PKP4: variants seen among roughly 807,000 people sequenced by gnomAD.
PKP4 encodes the protein plakophilin-4.
Under a neutral mutation model 145.1 loss-of-function variants are expected in PKP4, and 90 were observed. That is an observed-to-expected ratio of 0.62 (90% CI 0.52 to 0.74). PKP4 has a LOEUF of 0.74. Among genes scored for constraint, PKP4 ranks in the 30% least tolerant of loss-of-function variants. PKP4 has a pLI of 0.00. For missense variants in PKP4, 1,340 were observed against 1,482.7 expected (o/e 0.90, Z 1.58); for synonymous variants, 563 against 577.2 (o/e 0.98, Z 0.35).
chr2:158,538,199 T>A (rs1468802896), intron 2 of PKP4, among the ~76,000 whole-genome samples: 2 of 152,144 alleles, frequency 1.3e-5, no homozygotes, highest in Non-Finnish European at 2.9e-5. Flanking sequence ...GCAACTTACT[T>A]AGATGGGTCA....
In PKP4 at chr2:158,519,723, C is replaced by A. The variant is rs137913813; in HGVS notation, c.-5-13457C>A. On this transcript the variant is annotated intron_variant, in intron 1 of 21. Coordinates refer to ENST00000389759, the MANE Select transcript of PKP4 (RefSeq NM_003628.6). The stretch of plus-strand genomic sequence containing the variant: ...TAAAATTTCTAGACTGACTAATTTT[C>A]TTATCTTAAAAATGAGAAAATGCCT... Among the ~76,000 whole-genome samples, 3 of 152,196 alleles carry A rather than the reference C, an allele frequency of 2.0e-5. No individual in the cohort carries two copies. In the East Asian group the frequency reaches 5.8e-4, roughly 29 times the overall value.
chr2:158,491,612 C>T (rs1009128111), intron 1 of PKP4, among the ~76,000 whole-genome samples: 9 of 151,662 alleles, frequency 5.9e-5, no homozygotes, highest in Non-Finnish European at 1.3e-4. Flanking sequence ...CTTATTATGG[C>T]GTTACAAAAG....
intron 1 of PKP4, among the ~76,000 whole-genome samples, chr2:158,472,086 A>G (rs1472439045): frequency 2.0e-5 from 3 of 152,208 alleles, no homozygotes; most frequent in African/African-American, 4.8e-5. Flanking sequence ...AGATCAAGGA[A>G]TCTATTGCAC....
chr2:158,553,586 A>T (rs2045819693), intron 2 of PKP4, among the ~76,000 whole-genome samples: 1 of 152,090 alleles, frequency 6.6e-6, no homozygotes, highest in African/African-American at 2.4e-5. Flanking sequence ...CCCCTTAAAG[A>T]AAAGGAAAAA....
At chr2:158,495,842 TAAATAAATAAATAAA>T (rs1328058495) in intron 1 of PKP4, among the ~76,000 whole-genome samples, 1 of 2,314 alleles carries the variant, frequency 4.3e-4, no homozygotes, top group African/African-American at 2.7e-3. Flanking sequence ...TCTAAATAAA[TAAATAAATAAATAAA>T]TAAATAAATA....
chr2:158,553,193 TCA>T (rs2045784947), intron 2 of PKP4, among the ~76,000 whole-genome samples: 1 of 152,158 alleles, frequency 6.6e-6, no homozygotes, highest in South Asian at 2.1e-4. Context: ...CAAAAATGAA[TCA>T]CAGTTTGATA....
chr2:158,561,858 A>G (rs1254233994), intron 2 of PKP4, among the ~76,000 whole-genome samples: 1 of 151,412 alleles, frequency 6.6e-6, no homozygotes, highest in Non-Finnish European at 1.5e-5. Context: ...TTACATAGGT[A>G]TACATGTGAC....
At chr2:158,479,416 G>T (rs1161726857) in intron 1 of PKP4, among the ~76,000 whole-genome samples, 1 of 152,058 alleles carries the variant, frequency 6.6e-6, no homozygotes, top group African/African-American at 2.4e-5. Flanking sequence ...TAGAGACGGG[G>T]TTTTGCCATG....
chr2:158,672,578 C>T (rs935955603), intron 17 of PKP4, among the ~76,000 whole-genome samples: 1 of 152,198 alleles, frequency 6.6e-6, no homozygotes, highest in Admixed American at 6.5e-5. Flanking sequence ...TGCCCTGCTC[C>T]CCCAAATCTG....
At chr2:158,611,381 T>C (rs1230631576) in intron 4 of PKP4, among the ~76,000 whole-genome samples, 1 of 152,244 alleles carries the variant, frequency 6.6e-6, no homozygotes, top group African/African-American at 2.4e-5. Flanking sequence ...GCTGTGCATT[T>C]TGTTTATGTA....
At chr2:158,608,488 C>T (rs772733965) in intron 4 of PKP4, among the ~76,000 whole-genome samples, 5 of 152,146 alleles carry the variant, frequency 3.3e-5, no homozygotes, top group Non-Finnish European at 7.4e-5. Context: ...ATAATTCACA[C>T]TTAATAACTG....
chr2:158,573,557 A>T (rs912454551), intron 2 of PKP4, among the ~76,000 whole-genome samples: 1 of 151,930 alleles, frequency 6.6e-6, no homozygotes, highest in Admixed American at 6.5e-5. Context: ...AGATTCACAG[A>T]AGTTTATTGT....
chr2:158,597,783 T>A (rs1170998832), intron 3 of PKP4, among the ~76,000 whole-genome samples: 2 of 152,212 alleles, frequency 1.3e-5, no homozygotes, highest in Non-Finnish European at 2.9e-5. Flanking sequence ...TATACATGTG[T>A]GTGTAAAATT....
chr2:158,603,731 G>C (rs998536383), intron 4 of PKP4, among the ~76,000 whole-genome samples: 1 of 152,190 alleles, frequency 6.6e-6, no homozygotes, highest in African/African-American at 2.4e-5. Context: ...TTGCTGGGCA[G>C]AGTGATGGGC....
chr2:158,611,479 G>A (rs1034452876), intron 4 of PKP4, among the ~76,000 whole-genome samples: 9 of 152,240 alleles, frequency 5.9e-5, no homozygotes, highest in South Asian at 4.2e-4. Flanking sequence ...CATCAATACC[G>A]AAGATAAATG....
At chr2:158,653,692 A>G (rs571713620) in intron 11 of PKP4, among the ~76,000 whole-genome samples, 2 of 152,370 alleles carry the variant, frequency 1.3e-5, no homozygotes, top group South Asian at 4.1e-4. Context: ...ATTCTAGTTT[A>G]TTTTTAACTT....
chr2:158,622,149 A>T (rs184432106), intron 6 of PKP4, among the ~76,000 whole-genome samples: 2 of 152,342 alleles, frequency 1.3e-5, no homozygotes, highest in East Asian at 1.9e-4. Flanking sequence ...GGATTTGCCC[A>T]TTCTAACCAA....
chr2:158,498,821 T>G (rs1273739771), intron 1 of PKP4, among the ~76,000 whole-genome samples: 3 of 151,850 alleles, frequency 2.0e-5, no homozygotes, highest in Non-Finnish European at 4.4e-5. Flanking sequence ...AGTGTTTTTT[T>G]TTTTTTTTTT....
intron 2 of PKP4, among the ~76,000 whole-genome samples, chr2:158,576,021 G>A (rs1559345600): frequency 6.6e-6 from 1 of 152,150 alleles, no homozygotes; most frequent in African/African-American, 2.4e-5. Flanking sequence ...TATTGAGCCA[G>A]CTATTATTCA....
Sources: gnomAD v4.1 joint callset for allele counts (sites outside exome capture counted in the v4.1 genomes callset) on GRCh38, gnomAD v4.1.1 for gene constraint, MANE v1.5 for transcripts, NCBI Gene and HGNC (gene_info 2026-07-23, HGNC 2026-07-21) for gene names.